Variants in NWD2 observed in about 807,000 individuals in gnomAD.
NWD2 encodes the protein NACHT and WD repeat domain-containing protein 2.
A neutral mutation model predicts 132.7 loss-of-function variants in NWD2; 37 were observed. That is an observed-to-expected ratio of 0.28 (90% CI 0.21 to 0.37). The LOEUF is 0.37. NWD2 is among the 10% of genes least tolerant of loss of function. The pLI is 1.00. For missense variants in NWD2, 1,592 were observed against 2,122.4 expected, an observed-to-expected ratio of 0.75 and a Z score of 4.91; for synonymous variants, 705 against 803.0, an observed-to-expected ratio of 0.88 and a Z score of 2.06.
At position 37,445,384 on chromosome 4, in the gene NWD2, G is replaced by C; in HGVS notation, c.3396G>C (p.Lys1132Asn). The change falls in exon 7 of 7, where the codon AAG becomes AAC. Residue 1132 changes from lysine to asparagine, a missense_variant. Lys to Asn is a moderately conservative substitution (Grantham distance 94). Transcript: ENST00000309447. The surrounding 1 kb of genome is among the most constrained non-coding windows in gnomAD (Gnocchi z 4.7). ...TATTTCATTTAGGGAGTGGAGAAAA[G>C]TTATGTACAGTGACATCAGAATTTT... ...TTIFHLGSGE[K>N]LCTVTSEFSG... The C allele has an allele frequency of 6.4e-7, 1 of 1,552,168 alleles. No homozygotes were observed. The highest frequency in any genetic ancestry group is 1.7e-4 in the Middle Eastern group (1 of 5,996).
intron 1 of NWD2, among the ~76,000 whole-genome samples, chr4:37,287,961 C>T (rs952032644): frequency 2.0e-5 from 3 of 152,170 alleles, no homozygotes; most frequent in African/African-American, 7.2e-5. Context: ...ACATATAGAC[C>T]ATGGAATATT....
chr4:37,367,566 G>T (rs1720127373), intron 3 of NWD2, among the ~76,000 whole-genome samples: 1 of 152,100 alleles, frequency 6.6e-6, no homozygotes, highest in Non-Finnish European at 1.5e-5. Flanking sequence ...AGTGCTACTT[G>T]TTCCTCTAAG....
intron 1 of NWD2, among the ~76,000 whole-genome samples, chr4:37,306,946 C>T (rs1718721477): frequency 6.6e-6 from 1 of 151,878 alleles, no homozygotes; most frequent in Non-Finnish European, 1.5e-5. Flanking sequence ...ATCACTTGAA[C>T]CCGGGAGGTG....
At position 37,446,897 on chromosome 4, in the gene NWD2, G is replaced by A; in HGVS notation, c.4909G>A (p.Asp1637Asn). 1 of 1,522,154 alleles carries A rather than the reference G, an allele frequency of 6.6e-7. No individual in the cohort carries two copies. The highest frequency in any genetic ancestry group is 8.8e-7 in the Non-Finnish European group (1 of 1,130,368). The allele number at this position is 1,522,154 out of a possible 1,614,324, so 94.3% of individuals were successfully genotyped here. A position where few individuals can be genotyped will look rare whatever the true frequency, so the allele number is the denominator to read the frequency against. Residue 1637 changes from aspartate to asparagine, a missense_variant, in exon 7 of 7, where the codon GAT becomes AAT. Physicochemically the swap from Asp to Asn is conservative, Grantham distance 23. Around this residue, in one of 7 missense-constraint regions of NWD2, gnomAD observed 257 missense variants for 335.0 expected, o/e 0.77. Coordinates refer to ENST00000309447, the MANE Select transcript of NWD2 (RefSeq NM_001144990.2). This position sits in a 1 kb window ranked among gnomAD's most constrained non-coding sequence, Gnocchi z 6.7. ...CCTGAACATCATTGTGGGCTTTGATGATGGGAGTATAGGGATCTACACGGT... is the reference window on the plus strand; with the variant it reads ...CCTGAACATCATTGTGGGCTTTGATAATGGGAGTATAGGGATCTACACGGT... ...RHLNIIVGFD[D>N]GSIGIYTVVD...
chr4:37,396,408 C>A (rs1300405076), intron 3 of NWD2, among the ~76,000 whole-genome samples: 1 of 152,160 alleles, frequency 6.6e-6, no homozygotes, highest in Non-Finnish European at 1.5e-5. Context: ...ACCTCCTTAC[C>A]CCTGACCATG....
intron 2 of NWD2, among the ~76,000 whole-genome samples, chr4:37,351,412 C>T (rs1244457467): frequency 1.3e-5 from 2 of 151,950 alleles, no homozygotes; most frequent in Non-Finnish European, 2.9e-5. Context: ...ACTTGGGAGG[C>T]TGTATGTGTC....
chr4:37,354,648 T>G (rs544197808), intron 2 of NWD2, among the ~76,000 whole-genome samples: 13 of 152,286 alleles, frequency 8.5e-5, no homozygotes, highest in African/African-American at 2.9e-4. Context: ...CAGAGTAGCA[T>G]GTGAAGGGGA....
intron 3 of NWD2, among the ~76,000 whole-genome samples, chr4:37,426,745 T>G (rs572192396): frequency 2.0e-5 from 3 of 152,142 alleles, no homozygotes; most frequent in Non-Finnish European, 4.4e-5. Flanking sequence ...GTTCTTTCCA[T>G]CTGAGAATGG....
chr4:37,395,436 C>T (rs888622132), intron 3 of NWD2, among the ~76,000 whole-genome samples: 3 of 150,712 alleles, frequency 2.0e-5, no homozygotes, highest in South Asian at 2.1e-4. Flanking sequence ...GCTATCAAGA[C>T]TCACTTTCAA....
In NWD2 at chr4:37,444,882, C is replaced by A; in HGVS notation, c.2894C>A (p.Ser965Tyr). Residue 965 changes from serine to tyrosine, a missense_variant, in exon 7 of 7, where the codon TCC becomes TAC. Coordinates refer to ENST00000309447, the MANE Select transcript of NWD2 (RefSeq NM_001144990.2). The surrounding 1 kb of genome is among the most constrained non-coding windows in gnomAD (Gnocchi z 4.8). ...AGCCCAGAGCGTCTTCCCTTATCATCCAGTCACCTGCATGTCACAGAGATC... is the reference window on the plus strand; with the variant it reads ...AGCCCAGAGCGTCTTCCCTTATCATACAGTCACCTGCATGTCACAGAGATC... The part of the protein sequence containing the change: ...TYSPERLPLS[S>Y]SHLHVTEILP... 1 of 1,552,300 alleles carries A rather than the reference C, an allele frequency of 6.4e-7. No individual in the cohort carries two copies. The highest frequency in any genetic ancestry group is 8.7e-7 in the Non-Finnish European group (1 of 1,147,136).
intron 3 of NWD2, among the ~76,000 whole-genome samples, chr4:37,386,128 G>A (rs577117056): frequency 6.6e-6 from 1 of 152,238 alleles, no homozygotes; most frequent in East Asian, 1.9e-4. Flanking sequence ...AGATTTATCT[G>A]TGGTACTTGT....
Position 37,445,241 on chromosome 4 carries a change from G to A in NWD2, c.3253G>A (p.Asp1085Asn), listed in dbSNP as rs1174640689. 14 of 1,551,762 alleles carry A rather than the reference G, an allele frequency of 9.0e-6. No homozygotes were observed. The highest frequency in any genetic ancestry group is 5.9e-5 in the Admixed American group (3 of 50,990). The change falls in exon 7 of 7, where the codon GAT becomes AAT. Residue 1085 changes from aspartate (D) to asparagine (N), a missense_variant. By Grantham distance (23) the Asp-to-Asn change is conservative (BLOSUM62 1). This residue lies in a region of NWD2 where 1,071 missense variants were observed against 1,398.0 expected (regional missense o/e 0.77). Transcript: ENST00000309447. The surrounding 1 kb of genome is among the most constrained non-coding windows in gnomAD (Gnocchi z 4.7). The stretch of plus-strand genomic sequence containing the variant: ...AGCCAGCAAAGATGTCACTGTCATC[G>A]ATCTGCTGTACGGATGGCCGCTTTA... ...LEASKDVTVIDLLYGWPLYQF... is the reference protein window; with the variant it reads ...LEASKDVTVINLLYGWPLYQF...
At chr4:37,338,692 G>A (rs1276887996) in intron 2 of NWD2, among the ~76,000 whole-genome samples, 3 of 152,140 alleles carry the variant, frequency 2.0e-5, no homozygotes, top group Non-Finnish European at 2.9e-5. Context: ...TCTGAATTGG[G>A]CAATCACTTA....
chr4:37,386,191 C>T (rs1224989412), intron 3 of NWD2, among the ~76,000 whole-genome samples: 1 of 151,896 alleles, frequency 6.6e-6, no homozygotes, highest in Non-Finnish European at 1.5e-5. Context: ...CCAGGGATTT[C>T]TACAGCTAAA....
At position 37,447,471 on chromosome 4, in the gene NWD2, A is replaced by G. The variant is rs1712671143; in HGVS notation, c.*254A>G. The G allele has an allele frequency of 2.4e-5, 12 of 492,886 alleles. No homozygotes were observed. The South Asian group carries it at 2.7e-4, about 11-fold the overall frequency. 30.5% of individuals were successfully genotyped at this position (492,886 alleles called of 1,614,324 possible). On this transcript the variant is annotated 3_prime_UTR_variant, in exon 7 of 7. Transcript: ENST00000309447. The stretch of plus-strand genomic sequence containing the variant: ...CTTCATCTGAAAGGCAGAGGCTAAA[A>G]GTTTTTAAATTAGCTGTGTGGTGAG...
At position 37,317,606 on chromosome 4, in the gene NWD2, T is replaced by A. The variant is rs143742493; in HGVS notation, c.152-8330T>A. Among the ~76,000 whole-genome samples, 630 of 152,300 alleles carry A rather than the reference T, an allele frequency of 4.1e-3. 5 individuals are homozygous for A. Among genetic ancestry groups the A allele is most frequent in the African/African-American group, 0.014 (582 of 41,570 alleles). ...GAAGGCAAGAATCCCCACAGACTCC[T>A]CTTACCCAAAGTTCAGTGATTATTC... On this transcript the variant is annotated intron_variant, in intron 1 of 6. Coordinates refer to ENST00000309447, the MANE Select transcript of NWD2 (RefSeq NM_001144990.2).
chr4:37,430,657 T>G lies in NWD2; in HGVS notation c.443T>G (p.Ile148Arg). 1.3e-6 allele frequency: 2 copies of G among 1,551,576 alleles called. No individual in the cohort carries two copies. The highest frequency in any genetic ancestry group is 2.4e-5 in the South Asian group (2 of 84,048). The change falls in exon 4 of 7, where the codon ATA becomes AGA. Residue 148 changes from isoleucine (I) to arginine (R), a missense_variant. Ile to Arg is a moderately conservative substitution (Grantham distance 97). Around this residue, in one of 7 missense-constraint regions of NWD2, gnomAD observed 144 missense variants for 185.7 expected, o/e 0.78. Coordinates refer to ENST00000309447, the MANE Select transcript of NWD2 (RefSeq NM_001144990.2). Reference protein sequence around the residue: ...SEFEMILDAAIEAKLETKLLE... With the variant: ...SEFEMILDAAREAKLETKLLE... ...TTTGAAATGATTTTGGATGCCGCCA[T>G]AGAGGCAAAGCTGGAGACCAAGTTG...
intron 1 of NWD2, among the ~76,000 whole-genome samples, chr4:37,256,639 AAGG>A (rs1406022255): frequency 6.6e-6 from 1 of 152,236 alleles, no homozygotes; most frequent in African/African-American, 2.4e-5. Flanking sequence ...CGACACTGAA[AAGG>A]AGACTTGAAA....
intron 3 of NWD2, among the ~76,000 whole-genome samples, chr4:37,421,697 A>G (rs6811296): frequency 0.011 from 1,727 of 152,338 alleles, 33 homozygotes; most frequent in African/African-American, 0.039. Flanking sequence ...TACCTAATCT[A>G]TGACTTGACC....
Sources: allele counts gnomAD v4.1 joint callset (sites outside exome capture counted in the v4.1 genomes callset), GRCh38; gene constraint gnomAD v4.1.1; regional missense constraint gnomAD v4.1.1; non-coding constraint Gnocchi (gnomAD v3.1); transcripts MANE v1.5; gene names NCBI Gene and HGNC (gene_info 2026-07-23, HGNC 2026-07-21).